Variants in ADAT1 observed in about 807,000 individuals in gnomAD.
ADAT1 encodes the protein tRNA-specific adenosine deaminase 1.
A neutral mutation model predicts 58.6 loss-of-function variants in ADAT1; 58 were observed. That is an observed-to-expected ratio of 0.99 (90% CI 0.80 to 1.23). The LOEUF (loss-of-function observed/expected upper bound fraction) is 1.23. Ranked by LOEUF, ADAT1 falls within the 50% of genes most tolerant of loss-of-function variation. ADAT1 has a pLI of 0.00. For synonymous variants in ADAT1, 254 were observed against 220.8 expected (o/e 1.15, Z -1.33); for missense variants, 741 against 608.6 (o/e 1.22, Z -2.29).
intron 8 of ADAT1, among the ~76,000 whole-genome samples, chr16:75,605,248 G>A (rs934861214): frequency 5.3e-5 from 8 of 151,740 alleles, no homozygotes; most frequent in Admixed American, 2.0e-4. Flanking sequence ...GTACCATCAC[G>A]CCCAGCTAAT....
chr16:75,600,528 A>C (rs2081198807), intron 9 of ADAT1, among the ~76,000 whole-genome samples, 180 bp from the exon 10 acceptor site: 1 of 152,242 alleles, frequency 6.6e-6, no homozygotes, highest in South Asian at 2.1e-4. Context: ...TACTCAACTG[A>C]AACAGAGTTG....
At chr16:75,618,846 A>C (rs753508988) in intron 3 of ADAT1, 29 of 528,982 alleles carry the variant, frequency 5.5e-5, no homozygotes, top group Non-Finnish European at 8.9e-5. Flanking sequence ...TGGGCCAGAA[A>C]ATTTTTTGTT....
At position 75,599,818 on chromosome 16, in the gene ADAT1, G is replaced by A. The variant is rs1341355047; in HGVS notation, c.*398C>T. 1.4e-5 allele frequency: 14 copies of A among 992,294 alleles called. No homozygotes were observed. The highest frequency in any genetic ancestry group is 5.9e-5 in the Admixed American group (1 of 16,858). 61.5% of individuals were successfully genotyped at this position (992,294 alleles called of 1,614,324 possible). On this transcript the variant is annotated 3_prime_UTR_variant, in exon 10 of 10. Transcript: ENST00000564657. ...GGCTGGGAATACAAAATATATATTCGCTATGCTAGGCAAAGCTGTAAAACT... is the reference window on the plus strand; with the variant it reads ...GGCTGGGAATACAAAATATATATTCACTATGCTAGGCAAAGCTGTAAAACT...
At chr16:75,614,278 C>G (rs2081638647) in intron 5 of ADAT1, among the ~76,000 whole-genome samples, 1 of 152,130 alleles carries the variant, frequency 6.6e-6, no homozygotes, top group Admixed American at 6.5e-5. Flanking sequence ...AGTAAAGACT[C>G]TAAAGTAAAT....
chr16:75,604,195 G>T (rs1252511950), intron 8 of ADAT1, among the ~76,000 whole-genome samples: 1 of 151,914 alleles, frequency 6.6e-6, no homozygotes, highest in African/African-American at 2.4e-5. Flanking sequence ...TTGGGAGGCT[G>T]AGGTGAATGA....
chr16:75,608,088 G>A, intron 8 of ADAT1, 136 bp downstream of exon 8: 4 of 679,686 alleles, frequency 5.9e-6, no homozygotes, highest in Non-Finnish European at 1.0e-5. Context: ...TCCAAGGGAT[G>A]AGGAGAGGGA....
rs2081136636 is a variant in ADAT1 at position 75,598,659 on chromosome 16, C to CA, written c.*1556dup. ...TCAGCCTCCCAAGTAGCTGGGACTA[C>CA]AGGCGTGCACCACCATGCCCGGCTA... On this transcript the variant is annotated 3_prime_UTR_variant, in exon 10 of 10. Transcript: ENST00000564657. 6.6e-6 allele frequency among the ~76,000 whole-genome samples: 1 copy of CA among 151,772 alleles called. No homozygotes were observed. The highest frequency in any genetic ancestry group is 2.1e-4 in the South Asian group (1 of 4,808).
rs1041019296 is a variant in ADAT1, at chr16:75,598,770, C to T, written c.*1446G>A. ...CTGACCTCAGGTGATCTGCCTGCCT[C>T]AGCCTCCCAAAGTGTTGGAATTACA... is the stretch of plus-strand genomic sequence containing the variant. On this transcript the variant is annotated 3_prime_UTR_variant, in exon 10 of 10. Coordinates refer to ENST00000564657, the MANE Select transcript of ADAT1 (RefSeq NM_001324445.2). 1 of 428,622 alleles carries T rather than the reference C, an allele frequency of 2.3e-6. No individual in the cohort carries two copies. Among genetic ancestry groups the T allele is most frequent in the African/African-American group, 2.2e-5 (1 of 46,508 alleles). The allele number at this position is 428,622 out of a possible 1,614,324, so 26.6% of individuals were successfully genotyped here.
intron 3 of ADAT1, 52 bp from the exon 4 acceptor site, chr16:75,618,692 C>G: frequency 6.2e-7 from 1 of 1,602,596 alleles, no homozygotes; most frequent in Non-Finnish European, 8.5e-7. Context: ...TGGAGAGGGT[C>G]TGGTTCCTAG....
At chr16:75,608,715 TA>T in intron 7 of ADAT1, 127 bp downstream of exon 7, 1 of 1,191,202 alleles carries the variant, frequency 8.4e-7, no homozygotes, top group Non-Finnish European at 1.2e-6. Flanking sequence ...TGGGTGTCTC[TA>T]AAGCCCACAC....
At position 75,597,228 on chromosome 16, in the gene ADAT1, C is replaced by A. The variant is rs1040431515; in HGVS notation, c.*2988G>T. The stretch of plus-strand genomic sequence containing the variant: ...TGAAATCAGACTGGATTAGGGCAGG[C>A]CCTAAATCCAATTACTGGGGTCCTT... On this transcript the variant is annotated 3_prime_UTR_variant, in exon 10 of 10. Coordinates refer to ENST00000564657, the MANE Select transcript of ADAT1 (RefSeq NM_001324445.2). The A allele has an allele frequency of 3.1e-5, 10 of 325,326 alleles. No individual in the cohort carries two copies. In the Admixed American group the frequency reaches 4.0e-4, roughly 13 times the overall value. 20.2% of individuals were successfully genotyped at this position (325,326 alleles called of 1,614,324 possible).
chr16:75,600,505 G>A (rs1329284254), intron 9 of ADAT1, among the ~76,000 whole-genome samples, 157 bp from the exon 10 acceptor site: 1 of 152,186 alleles, frequency 6.6e-6, no homozygotes, highest in Non-Finnish European at 1.5e-5. Flanking sequence ...TACAAACTAC[G>A]TTATTCTTGT....
intron 6 of ADAT1, among the ~76,000 whole-genome samples, chr16:75,610,134 G>GT (rs1394383387): frequency 1.3e-5 from 2 of 152,208 alleles, no homozygotes; most frequent in Non-Finnish European, 1.5e-5. Context: ...GCTGCAGCAT[G>GT]TAATAGTACT....
At chr16:75,619,303 G>C (rs907629554) in intron 3 of ADAT1, among the ~76,000 whole-genome samples, 3 of 151,650 alleles carry the variant, frequency 2.0e-5, no homozygotes, top group African/African-American at 2.4e-5. Context: ...CAGGAGGATA[G>C]CTTGAGGCTG....
rs937617756 is a variant in ADAT1, at chr16:75,615,190, A to AG, written c.424+1951_424+1952insC. 4.6e-5 allele frequency among the ~76,000 whole-genome samples: 7 copies of AG among 151,778 alleles called. No individual in the cohort carries two copies. In the East Asian group the frequency reaches 5.8e-4, roughly 13 times the overall value. On this transcript the variant is annotated intron_variant, in intron 5 of 9. Transcript: ENST00000564657. ...TGCAATGAGCCGAGATCGAGAAAAA[A>AG]AAAAAAAATTCAATCGCCATCACTT...
In ADAT1 at chr16:75,599,099, T is replaced by G; in HGVS notation, c.*1117A>C. 1 of 761,584 alleles carries G rather than the reference T, an allele frequency of 1.3e-6. No homozygotes were observed. The highest frequency in any genetic ancestry group is 1.6e-6 in the Non-Finnish European group (1 of 641,752). 47.2% of individuals were successfully genotyped at this position (761,584 alleles called of 1,614,324 possible). The stretch of plus-strand genomic sequence containing the variant: ...CTTTTTTTTTTTTTTTTTTTTTTTT[T>G]GAGATAGGGTCTTGCTCTATCACCC... On this transcript the variant is annotated 3_prime_UTR_variant, in exon 10 of 10. Transcript: ENST00000564657.
Position 75,612,312 on chromosome 16 carries a change from T to C in ADAT1, c.974A>G (p.Tyr325Cys). ...CTTCCCAATGACCACAGCTGACAGG[T>C]AGATGGGCTCTTCCAGCAAGTGCAT... ...LLMHLLEEPI[Y>C]LSAVVIGKCP... The change falls in exon 6 of 10, where the codon TAC (tyrosine) becomes TGC (cysteine). Residue 325 changes from tyrosine to cysteine, a missense_variant. Tyr to Cys is a radical substitution (Grantham distance 194). Coordinates refer to ENST00000564657, the MANE Select transcript of ADAT1 (RefSeq NM_001324445.2). 1 of 1,614,144 alleles carries C rather than the reference T, an allele frequency of 6.2e-7. No homozygotes were observed. Among genetic ancestry groups the C allele is most frequent in the Non-Finnish European group, 8.5e-7 (1 of 1,180,034 alleles).
chr16:75,600,397 C>T (rs571304159), intron 9 of ADAT1, 49 bp from the exon 10 acceptor site: 3 of 1,600,854 alleles, frequency 1.9e-6, no homozygotes, highest in South Asian at 1.1e-5. Context: ...GAATAGCCCA[C>T]CCCAGGGGCC....
intron 8 of ADAT1, among the ~76,000 whole-genome samples, chr16:75,603,821 A>G (rs2081290042): frequency 6.6e-6 from 1 of 152,164 alleles, no homozygotes; most frequent in Admixed American, 6.5e-5. Flanking sequence ...GTATACCAAC[A>G]ATGTGCAGTC....
Sources: gnomAD v4.1 joint callset for allele counts (sites outside exome capture counted in the v4.1 genomes callset) on GRCh38, gnomAD v4.1.1 for gene constraint, MANE v1.5 for transcripts, NCBI Gene and HGNC (gene_info 2026-07-23, HGNC 2026-07-21) for gene names.